CORO2B: variants seen among roughly 807,000 people sequenced by gnomAD.
The protein encoded by CORO2B is coronin-2B.
A neutral mutation model predicts 58.8 loss-of-function variants in CORO2B; 26 were observed. The ratio of observed to expected loss-of-function variants is 0.44; its 90% confidence interval spans 0.32 to 0.61. The LOEUF is 0.61. CORO2B is among the 20% of genes least tolerant of loss of function. The probability of loss-of-function intolerance (pLI) is 0.04; values close to 1 mark genes in which losing one functional copy is unlikely to be tolerated. For synonymous variants in CORO2B, 242 were observed against 253.8 expected, an observed-to-expected ratio of 0.95 and a Z score of 0.44; for missense variants, 460 against 645.1, an observed-to-expected ratio of 0.71 and a Z score of 3.11.
intron 2 of CORO2B, among the ~76,000 whole-genome samples, chr15:68,655,546 G>T (rs1901777247): frequency 6.6e-6 from 1 of 152,174 alleles, no homozygotes; most frequent in African/African-American, 2.4e-5. Flanking sequence ...TGCATGACAT[G>T]CCTGGACACC....
chr15:68,634,333 G>A (rs1222380463), intron 1 of CORO2B, among the ~76,000 whole-genome samples: 1 of 152,242 alleles, frequency 6.6e-6, no homozygotes, highest in Non-Finnish European at 1.5e-5. Flanking sequence ...CTGGCCGGCA[G>A]GGTGGTTGTC....
At chr15:68,675,820 C>T (rs551669273) in intron 2 of CORO2B, among the ~76,000 whole-genome samples, 1 of 152,174 alleles carries the variant, frequency 6.6e-6, no homozygotes, top group Non-Finnish European at 1.5e-5. Context: ...AGCACCTTCT[C>T]TGTACCCGGC....
intron 2 of CORO2B, among the ~76,000 whole-genome samples, chr15:68,684,427 A>G (rs1902893809): frequency 6.6e-6 from 1 of 152,260 alleles, no homozygotes; most frequent in Non-Finnish European, 1.5e-5. Context: ...GGAGGGAGAG[A>G]AAGAACACAG....
the CORO2B span, among the ~76,000 whole-genome samples, chr15:68,545,244 C>T: frequency 9.2e-5 from 14 of 152,266 alleles, no homozygotes; most frequent in Non-Finnish European, 1.8e-4. Flanking sequence ...ACGACTTTTT[C>T]CCCTAATTTT....
intron 2 of CORO2B, among the ~76,000 whole-genome samples, chr15:68,686,635 A>G (rs1342909016): frequency 6.6e-6 from 1 of 152,158 alleles, no homozygotes; most frequent in East Asian, 1.9e-4. Context: ...ACAGTGGCTC[A>G]CGCCTGTAAT....
chr15:68,672,879 G>A (rs1425030057), intron 2 of CORO2B, among the ~76,000 whole-genome samples: 6 of 152,196 alleles, frequency 3.9e-5, no homozygotes, highest in Non-Finnish European at 7.3e-5. Flanking sequence ...GCCACATAAT[G>A]TGAGCTCGGC....
At chr15:68,657,851 A>G (rs773693089) in intron 2 of CORO2B, among the ~76,000 whole-genome samples, 20 of 152,204 alleles carry the variant, frequency 1.3e-4, no homozygotes, top group Non-Finnish European at 2.6e-4. Flanking sequence ...CAGACTCACA[A>G]ACCTCCTAAC....
chr15:68,537,529 T>C, the CORO2B span, among the ~76,000 whole-genome samples: 1 of 152,206 alleles, frequency 6.6e-6, no homozygotes, highest in South Asian at 2.1e-4. Context: ...ATGTGCAGGG[T>C]GTGCAGGTTT....
At chr15:68,528,691 T>G in the CORO2B span, among the ~76,000 whole-genome samples, 1 of 116,540 alleles carries the variant, frequency 8.6e-6, no homozygotes, top group East Asian at 2.1e-4. Context: ...TTCTGAGTGT[T>G]TTTTTTTTTT....
the CORO2B span, among the ~76,000 whole-genome samples, chr15:68,520,441 A>G: frequency 6.6e-6 from 1 of 152,198 alleles, no homozygotes; most frequent in Non-Finnish European, 1.5e-5. Flanking sequence ...ATTTGAAGCT[A>G]TGGCGTTAAA....
At chr15:68,580,385 CAGAGCAGTGGGGCCAGATGGAGGG>C (rs1899399467) in intron 1 of CORO2B, among the ~76,000 whole-genome samples, 1 of 25,426 alleles carries the variant, frequency 3.9e-5, no homozygotes, top group East Asian at 8.1e-3. Flanking sequence ...GATGGAGGGT[CAGAGCAGTGGGGCCAGATGGAGGG>C]TTGGGGTGCA....
intron 1 of CORO2B, among the ~76,000 whole-genome samples, chr15:68,642,760 G>A (rs763962674): frequency 6.6e-6 from 1 of 152,170 alleles, no homozygotes; most frequent in East Asian, 1.9e-4. Flanking sequence ...GGCTGTCTGC[G>A]GATTCTGAGA....
At chr15:68,716,019 C>T (rs1893024424) in intron 8 of CORO2B, among the ~76,000 whole-genome samples, 1 of 152,194 alleles carries the variant, frequency 6.6e-6, no homozygotes, top group South Asian at 2.1e-4. Flanking sequence ...AGCTTGCTTT[C>T]CCTGTGGGTC....
chr15:68,622,753 A>G lies in CORO2B; in HGVS notation c.16-22407A>G, dbSNP rs888161969. Among the ~76,000 whole-genome samples the G allele has an allele frequency of 4.1e-4, 63 of 151,924 alleles. 1 individual carries two copies. Among genetic ancestry groups the G allele is most frequent in the South Asian group, 6.2e-4 (3 of 4,828 alleles). Reference sequence around the variant, plus strand: ...ATCCTGGGGATGCAGCAGAGGACCAAGGCAGACACAGGCTCTGTCCTCTCA... The same window carrying G: ...ATCCTGGGGATGCAGCAGAGGACCAGGGCAGACACAGGCTCTGTCCTCTCA... On this transcript the variant is annotated intron_variant, in intron 1 of 11. Transcript: ENST00000261861.
chr15:68,562,304 T>C, the CORO2B span, among the ~76,000 whole-genome samples: 11 of 152,260 alleles, frequency 7.2e-5, no homozygotes, highest in South Asian at 2.3e-3. Flanking sequence ...GCCCTCACCT[T>C]CCAGGCAAGA....
At chr15:68,715,163 C>A (rs112061059) in intron 7 of CORO2B, 52 bp from the exon 8 acceptor site, 2 of 1,516,644 alleles carry the variant, frequency 1.3e-6, no homozygotes, top group Non-Finnish European at 1.8e-6. Flanking sequence ...CCAGGCCCTG[C>A]TCTGCCCTCC....
At chr15:68,547,622 G>A in the CORO2B span, among the ~76,000 whole-genome samples, 4 of 151,974 alleles carry the variant, frequency 2.6e-5, no homozygotes, top group South Asian at 2.1e-4. Flanking sequence ...GATTACAGGC[G>A]TGAGCCACCG....
chr15:68,691,639 A>AAAAG (rs1892377417), intron 2 of CORO2B, among the ~76,000 whole-genome samples: 9 of 149,664 alleles, frequency 6.0e-5, no homozygotes, highest in Non-Finnish European at 1.0e-4. Flanking sequence ...AAAAAAAAAA[A>AAAAG]AAAAAAAGAA....
the CORO2B span, among the ~76,000 whole-genome samples, chr15:68,520,931 C>G: frequency 3.3e-5 from 5 of 152,148 alleles, no homozygotes; most frequent in African/African-American, 4.8e-5. Flanking sequence ...CACCTGTAAT[C>G]CCAGCTACTT....
Sources: allele counts gnomAD v4.1 joint callset (sites outside exome capture counted in the v4.1 genomes callset), GRCh38; gene constraint gnomAD v4.1.1; transcripts MANE v1.5; gene names NCBI Gene and HGNC (gene_info 2026-07-23, HGNC 2026-07-21).